Variants in AKAP19 observed in about 807,000 individuals in gnomAD.
AKAP19 encodes A-kinase anchoring protein 19.
the AKAP19 span, among the ~76,000 whole-genome samples, chr2:189,947,958 G>C: frequency 6.6e-6 from 1 of 152,244 alleles, no homozygotes; most frequent in African/African-American, 2.4e-5. Flanking sequence ...TTGACAAACA[G>C]CTTTACCAAA....
At chr2:190,118,184 T>G in the AKAP19 span, among the ~76,000 whole-genome samples, 1 of 152,126 alleles carries the variant, frequency 6.6e-6, no homozygotes, top group Non-Finnish European at 1.5e-5. Context: ...TTGAATCTCT[T>G]ACTAGACCAA....
At chr2:190,089,758 G>A in the AKAP19 span, 1 of 152,152 alleles carries the variant, frequency 6.6e-6, no homozygotes, top group Admixed American at 6.5e-5. Context: ...AAAAACCACA[G>A]GACTCCCCAG....
At chr2:190,038,992 TTTCTTC>T in the AKAP19 span, among the ~76,000 whole-genome samples, 14 of 138,662 alleles carry the variant, frequency 1.0e-4, no homozygotes, top group Admixed American at 2.8e-4. Context: ...TCTTCCTTTC[TTTCTTC>T]TCTTCTTCTT....
At chr2:190,007,143 G>C in the AKAP19 span, among the ~76,000 whole-genome samples, 2 of 152,188 alleles carry the variant, frequency 1.3e-5, no homozygotes, top group African/African-American at 4.8e-5. Flanking sequence ...CAGTAGAGAA[G>C]TGGAATGAAA....
chr2:190,117,543 G>A, the AKAP19 span, among the ~76,000 whole-genome samples: 3 of 152,318 alleles, frequency 2.0e-5, no homozygotes, highest in African/African-American at 7.2e-5. Context: ...TAGTAGCACA[G>A]TAATTTAAGC....
the AKAP19 span, among the ~76,000 whole-genome samples, chr2:190,010,247 A>G: frequency 6.6e-6 from 1 of 152,206 alleles, no homozygotes; most frequent in Non-Finnish European, 1.5e-5. Context: ...TAGTTTATCC[A>G]TGGTAACAGG....
the AKAP19 span, among the ~76,000 whole-genome samples, chr2:190,111,617 T>G: frequency 1.3e-5 from 2 of 152,068 alleles, no homozygotes; most frequent in Non-Finnish European, 2.9e-5. Context: ...AAGGCACTTA[T>G]GCAGGCAATA....
chr2:190,158,934 T>C, the AKAP19 span, among the ~76,000 whole-genome samples: 1 of 152,134 alleles, frequency 6.6e-6, no homozygotes, highest in Non-Finnish European at 1.5e-5. Context: ...AGGATTCCTG[T>C]AGGGCCTGGA....
At chr2:190,162,262 A>C in the AKAP19 span, among the ~76,000 whole-genome samples, 1 of 152,184 alleles carries the variant, frequency 6.6e-6, no homozygotes, top group Non-Finnish European at 1.5e-5. Context: ...ATACAGTAAT[A>C]TTTTAAATTG....
chr2:190,021,242 AT>A, the AKAP19 span, among the ~76,000 whole-genome samples: 3,852 of 152,240 alleles, frequency 0.025, 163 homozygotes, highest in East Asian at 0.17. Flanking sequence ...TCATTTTATT[AT>A]TTATACTTCT....
At chr2:190,094,112 C>A in the AKAP19 span, among the ~76,000 whole-genome samples, 1 of 152,226 alleles carries the variant, frequency 6.6e-6, no homozygotes, top group Non-Finnish European at 1.5e-5. Context: ...AGTTTGACCT[C>A]CCACTATGTG....
chr2:190,101,086 G>A, the AKAP19 span, among the ~76,000 whole-genome samples: 6 of 152,216 alleles, frequency 3.9e-5, no homozygotes, highest in Non-Finnish European at 4.4e-5. Context: ...GTGTTGAGAG[G>A]AGGATGCCAT....
the AKAP19 span, among the ~76,000 whole-genome samples, chr2:189,956,100 T>G: frequency 1.3e-5 from 2 of 152,032 alleles, no homozygotes; most frequent in Admixed American, 1.3e-4. Context: ...AAAAAATATT[T>G]AAGAACAATG....
the AKAP19 span, among the ~76,000 whole-genome samples, chr2:189,884,132 G>T: frequency 6.6e-6 from 1 of 152,066 alleles, no homozygotes; most frequent in Admixed American, 6.6e-5. Flanking sequence ...TTAGATGATA[G>T]AAATGAATGA....
chr2:189,938,552 G>C, the AKAP19 span, among the ~76,000 whole-genome samples: 1 of 152,110 alleles, frequency 6.6e-6, no homozygotes, highest in Non-Finnish European at 1.5e-5. Context: ...TGGAGATAAA[G>C]AGTAGAAGGA....
At chr2:190,061,048 T>C in the AKAP19 span, among the ~76,000 whole-genome samples, 2 of 152,072 alleles carry the variant, frequency 1.3e-5, no homozygotes, top group Non-Finnish European at 2.9e-5. Context: ...TTCGAAAGTA[T>C]TGTCTTTAGG....
At chr2:190,044,637 C>A in the AKAP19 span, among the ~76,000 whole-genome samples, 1 of 152,004 alleles carries the variant, frequency 6.6e-6, no homozygotes, top group Non-Finnish European at 1.5e-5. Flanking sequence ...ACCTGGAGGA[C>A]CTACCTGGTG....
chr2:190,085,754 C>T, the AKAP19 span, among the ~76,000 whole-genome samples: 5 of 152,274 alleles, frequency 3.3e-5, no homozygotes, highest in East Asian at 5.8e-4. Flanking sequence ...CCATACCATA[C>T]AGTGACAAAA....
chr2:190,082,720 A>C, the AKAP19 span, among the ~76,000 whole-genome samples: 2 of 152,220 alleles, frequency 1.3e-5, no homozygotes, highest in Admixed American at 1.3e-4. Flanking sequence ...CCATTATACA[A>C]ATTAGGAAGC....
Sources: gnomAD v4.1 joint callset for allele counts (sites outside exome capture counted in the v4.1 genomes callset) on GRCh38, gnomAD v4.1.1 for gene constraint, MANE v1.5 for transcripts, NCBI Gene and HGNC (gene_info 2026-07-23, HGNC 2026-07-21) for gene names.